MYL1: variants seen among roughly 807,000 people sequenced by gnomAD.
The protein encoded by MYL1 is myosin light chain 1.
A neutral mutation model predicts 21.8 loss-of-function variants in MYL1; 16 were observed. That is an observed-to-expected ratio of 0.74 (90% CI 0.50 to 1.12). The LOEUF (loss-of-function observed/expected upper bound fraction) is 1.12. Ranked by LOEUF, MYL1 falls within the 50% of genes most tolerant of loss-of-function variation. The pLI, the probability that MYL1 is intolerant of heterozygous loss-of-function variation, is 0.00. For synonymous variants in MYL1, 99 were observed against 85.2 expected (o/e 1.16, Z -0.89); for missense variants, 246 against 241.0 (o/e 1.02, Z -0.14).
intron 1 of MYL1, among the ~76,000 whole-genome samples, chr2:210,304,259 T>C (rs1378959126): frequency 6.6e-6 from 1 of 152,246 alleles, no homozygotes. Flanking sequence ...TTAGTCTCCT[T>C]ACGTTAGGTC....
chr2:210,302,894 A>T, intron 1 of MYL1: 2 of 1,268,898 alleles, frequency 1.6e-6, no homozygotes, highest in Non-Finnish European at 1.1e-6. Flanking sequence ...TTAGGAAGCT[A>T]TGTAGGTGTC....
At chr2:210,293,119 T>C (rs1690106210) in intron 5 of MYL1, among the ~76,000 whole-genome samples, 1 of 152,198 alleles carries the variant, frequency 6.6e-6, no homozygotes, top group African/African-American at 2.4e-5. Flanking sequence ...TAAATTTTCT[T>C]ACAAATTAAA....
At chr2:210,302,642 A>AG (rs1690281162) in intron 1 of MYL1, 127 bp from the exon 2 acceptor site, 1 of 1,485,670 alleles carries the variant, frequency 6.7e-7, no homozygotes, top group Admixed American at 2.1e-5. Context: ...TACTTTTCAG[A>AG]GTTCAGGCGT....
chr2:210,309,061 T>G (rs1453596397), intron 1 of MYL1, among the ~76,000 whole-genome samples: 4 of 152,092 alleles, frequency 2.6e-5, no homozygotes. Context: ...TCATAAATCA[T>G]GTGTCTTTTG....
chr2:210,303,528 C>T (rs1352729883), intron 1 of MYL1: 2 of 1,610,032 alleles, frequency 1.2e-6, no homozygotes, highest in East Asian at 2.2e-5. Context: ...AAATTATTGT[C>T]TCATAGGACC....
chr2:210,297,525 T>G (rs1690196164), intron 3 of MYL1, among the ~76,000 whole-genome samples: 1 of 151,800 alleles, frequency 6.6e-6, no homozygotes, highest in Admixed American at 6.6e-5. Flanking sequence ...GTGGGTTTTT[T>G]TTTTTGGCTG....
At position 210,303,663 on chromosome 2, in the gene MYL1, A is replaced by G. The variant is rs564347639; in HGVS notation, c.133-1148T>C. 910 of 1,455,564 alleles carry G rather than the reference A, an allele frequency of 6.3e-4. 2 individuals are homozygous for G. The highest frequency in any genetic ancestry group is 8.0e-4 in the Non-Finnish European group (863 of 1,076,712). 90.2% of individuals were successfully genotyped at this position (1,455,564 alleles called of 1,614,324 possible). A position where few individuals can be genotyped will look rare whatever the true frequency, so the allele number is the denominator to read the frequency against. ...TCCTTTTATTTCTGGGCAAGCTTTGACCTCACAGCTAGCATCAGGTTTCAG... is the reference window on the plus strand; with the variant it reads ...TCCTTTTATTTCTGGGCAAGCTTTGGCCTCACAGCTAGCATCAGGTTTCAG... On this transcript the variant is annotated intron_variant, in intron 1 of 6. Transcript: ENST00000352451.
chr2:210,294,511 A>G, intron 3 of MYL1, 93 bp from the exon 4 acceptor site: 1 of 1,211,968 alleles, frequency 8.3e-7, no homozygotes, highest in East Asian at 2.4e-5. Flanking sequence ...AGGTTATCTG[A>G]AAAACCTTCA....
Position 210,294,253 on chromosome 2 carries a change from G to T in MYL1, c.470C>A (p.Ala157Asp). The T allele has an allele frequency of 6.2e-7, 1 of 1,611,272 alleles. No individual in the cohort carries two copies. Among genetic ancestry groups the T allele is most frequent in the Non-Finnish European group, 8.5e-7 (1 of 1,178,852 alleles). The change falls in exon 4 of 7, where the codon GCC becomes GAC. Residue 157 changes from alanine (A) to aspartate (D), a missense_variant. By Grantham distance (126) the Ala-to-Asp change is moderately radical (BLOSUM62 -2). Transcript: ENST00000352451. Reference protein sequence around the residue: ...VMGAELRHVLATLGEKMKEEE... With the variant: ...VMGAELRHVLDTLGEKMKEEE... ...GAAATAAATTCCCTTACCCAGGGTG[G>T]CTAGAACATGGCGGAGTTCAGCACC...
intron 3 of MYL1, among the ~76,000 whole-genome samples, chr2:210,296,555 G>A (rs1386133044): frequency 6.6e-6 from 1 of 152,104 alleles, no homozygotes; most frequent in Non-Finnish European, 1.5e-5. Flanking sequence ...GGAGGCCGAG[G>A]CGGGCAGATG....
At chr2:210,301,412 T>C (rs1483189724) in intron 2 of MYL1, among the ~76,000 whole-genome samples, 1 of 152,110 alleles carries the variant, frequency 6.6e-6, no homozygotes, top group Non-Finnish European at 1.5e-5. Context: ...CTATTTCAGA[T>C]GCAGAAATAG....
chr2:210,298,339 T>TACTACACAC, intron 3 of MYL1, 81 bp downstream of exon 3: 1 of 1,186,988 alleles, frequency 8.4e-7, no homozygotes, highest in Non-Finnish European at 1.2e-6. Context: ...ACACACATAC[T>TACTACACAC]ACACACACAC....
intron 1 of MYL1, among the ~76,000 whole-genome samples, chr2:210,311,536 G>A (rs902707727): frequency 6.6e-6 from 1 of 151,900 alleles, no homozygotes; most frequent in Non-Finnish European, 1.5e-5. Context: ...GTGAATACGA[G>A]AATTAAAACT....
chr2:210,312,724 G>A (rs563155401), intron 1 of MYL1, among the ~76,000 whole-genome samples: 3 of 151,624 alleles, frequency 2.0e-5, no homozygotes, highest in African/African-American at 7.2e-5. Flanking sequence ...GGAAGATAAA[G>A]GTTATTTTTT....
chr2:210,299,957 T>C (rs1690238685), intron 2 of MYL1, among the ~76,000 whole-genome samples: 1 of 152,150 alleles, frequency 6.6e-6, no homozygotes, highest in South Asian at 2.1e-4. Flanking sequence ...GCACTGACAT[T>C]ATATTCACAA....
At chr2:210,292,725 T>C (rs2136457) in intron 5 of MYL1, among the ~76,000 whole-genome samples, 77,815 of 151,992 alleles carry the variant, frequency 0.51, 19,963 homozygotes, top group Middle Eastern at 0.62. Context: ...TTAATTCTTC[T>C]GTGATTTTTG....
intron 1 of MYL1, among the ~76,000 whole-genome samples, chr2:210,304,665 C>T (rs1480908936): frequency 6.6e-6 from 1 of 152,196 alleles, no homozygotes; most frequent in African/African-American, 2.4e-5. Context: ...ACCCCAGACT[C>T]CTGAGTAGGT....
chr2:210,311,149 C>T (rs937287166), intron 1 of MYL1, among the ~76,000 whole-genome samples: 1 of 151,970 alleles, frequency 6.6e-6, no homozygotes, highest in African/African-American at 2.4e-5. Flanking sequence ...CAGAGCCTTT[C>T]GTGGAGCATG....
intron 1 of MYL1, among the ~76,000 whole-genome samples, chr2:210,307,292 C>T (rs897798727): frequency 5.9e-5 from 9 of 152,098 alleles, no homozygotes; most frequent in Non-Finnish European, 8.8e-5. Flanking sequence ...CTTATTCTTA[C>T]GGTTTATCCC....
Sources: gnomAD v4.1 joint callset for allele counts (sites outside exome capture counted in the v4.1 genomes callset) on GRCh38, gnomAD v4.1.1 for gene constraint, MANE v1.5 for transcripts, NCBI Gene and HGNC (gene_info 2026-07-23, HGNC 2026-07-21) for gene names.